Variants in FRAS1 observed in about 807,000 individuals in gnomAD.
FRAS1 encodes extracellular matrix organizing protein FRAS1.
FRAS1 carries 290 observed loss-of-function variants against 435.2 expected under a neutral mutation model. The observed-to-expected ratio is 0.67, with a 90% CI of 0.61 to 0.73. The LOEUF is 0.73. FRAS1 is among the 30% of genes least tolerant of loss of function. The pLI, the probability that FRAS1 is intolerant of heterozygous loss-of-function variation, is 0.00. For synonymous variants in FRAS1, 1,800 were observed against 1,851.0 expected, an observed-to-expected ratio of 0.97 and a Z score of 0.71; for missense variants, 4,860 against 5,001.5, an observed-to-expected ratio of 0.97 and a Z score of 0.85.
At chr4:78,484,678 G>T (rs1185080817) in intron 58 of FRAS1, among the ~76,000 whole-genome samples, 4 of 152,098 alleles carry the variant, frequency 2.6e-5, no homozygotes, top group Non-Finnish European at 5.9e-5. Flanking sequence ...ATCTCATGTT[G>T]CATGTTACTT....
At chr4:78,195,990 C>CTTAT (rs566770782) in intron 2 of FRAS1, among the ~76,000 whole-genome samples, 42 of 144,774 alleles carry the variant, frequency 2.9e-4, no homozygotes, top group African/African-American at 9.3e-4. Context: ...AGGCAGATTT[C>CTTAT]TTATTTATTT....
At chr4:78,380,599 A>G (rs547683237) in intron 27 of FRAS1, among the ~76,000 whole-genome samples, 1 of 152,352 alleles carries the variant, frequency 6.6e-6, no homozygotes, top group African/African-American at 2.4e-5. Context: ...AAATACAGCT[A>G]TATAATTAGC....
At chr4:78,113,461 C>T (rs1742885859) in intron 2 of FRAS1, among the ~76,000 whole-genome samples, 2 of 152,126 alleles carry the variant, frequency 1.3e-5, no homozygotes, top group South Asian at 4.1e-4. Context: ...AAAAGTGTTC[C>T]TATTTCTCCA....
chr4:78,497,926 A>G (rs1720552655), intron 60 of FRAS1, among the ~76,000 whole-genome samples: 1 of 152,118 alleles, frequency 6.6e-6, no homozygotes, highest in Non-Finnish European at 1.5e-5. Flanking sequence ...TCCCAGGTAC[A>G]TAGAAAACCC....
chr4:78,301,545 T>C (rs1728394476), intron 14 of FRAS1, among the ~76,000 whole-genome samples: 1 of 152,162 alleles, frequency 6.6e-6, no homozygotes. Flanking sequence ...CAAAGAACGA[T>C]AGATGTCAAG....
intron 1 of FRAS1, among the ~76,000 whole-genome samples, chr4:78,064,807 A>G (rs1390031922): frequency 6.6e-6 from 1 of 151,950 alleles, no homozygotes; most frequent in Non-Finnish European, 1.5e-5. Flanking sequence ...ATGATCCATT[A>G]GAGGTAAGCA....
chr4:78,478,010 T>C lies in FRAS1; in HGVS notation c.8047T>C (p.Tyr2683His), dbSNP rs1047655022. The C allele has an allele frequency of 3.7e-6, 6 of 1,605,486 alleles. No individual in the cohort carries two copies. In the African/African-American group the frequency reaches 8.0e-5, roughly 21 times the overall value. Residue 2683 changes from tyrosine (Y) to histidine (H), a missense_variant, in exon 55 of 74, where the codon TAC becomes CAC. Tyr to His is a moderately conservative substitution (Grantham distance 83). Transcript: ENST00000512123. ...EPTLEFDKKI[Y>H]WVNESAGFLF... ...CACATTAGAGTTTGACAAGAAGATCTACTGGGTTAACGAGAGCGCTGGTTT... is the reference window on the plus strand; with the variant it reads ...CACATTAGAGTTTGACAAGAAGATCCACTGGGTTAACGAGAGCGCTGGTTT...
At chr4:78,394,747 A>G (rs1260940356) in intron 29 of FRAS1, among the ~76,000 whole-genome samples, 1 of 152,000 alleles carries the variant, frequency 6.6e-6, no homozygotes, top group Non-Finnish European at 1.5e-5. Context: ...GTAAAATGCC[A>G]TTGGAATTTT....
At chr4:78,358,986 CT>C (rs1266276385) in intron 20 of FRAS1, among the ~76,000 whole-genome samples, 1 of 152,104 alleles carries the variant, frequency 6.6e-6, no homozygotes, top group Non-Finnish European at 1.5e-5. Context: ...AGAAAAAGCA[CT>C]AAAAGAAAAA....
intron 38 of FRAS1, among the ~76,000 whole-genome samples, chr4:78,434,653 C>T (rs933835096): frequency 1.3e-5 from 2 of 151,294 alleles, no homozygotes; most frequent in African/African-American, 4.9e-5. Context: ...AATCTCTTGA[C>T]AAAAAGTATT....
At chr4:78,442,093 G>C (rs186998833) in intron 41 of FRAS1, among the ~76,000 whole-genome samples, 2 of 152,342 alleles carry the variant, frequency 1.3e-5, no homozygotes, top group Admixed American at 1.3e-4. Context: ...GCAGGTGTCT[G>C]GGGCCAGCAT....
intron 2 of FRAS1, among the ~76,000 whole-genome samples, chr4:78,216,956 G>A (rs1255294564): frequency 6.6e-6 from 1 of 152,142 alleles, no homozygotes; most frequent in Non-Finnish European, 1.5e-5. Context: ...AAAGTCAGGG[G>A]CCTGGCAGAC....
intron 2 of FRAS1, among the ~76,000 whole-genome samples, chr4:78,100,106 T>C (rs1355285455): frequency 1.3e-5 from 2 of 152,060 alleles, no homozygotes; most frequent in African/African-American, 4.8e-5. Context: ...TAAAATAAAG[T>C]AAAAGAAATA....
At chr4:78,098,565 G>A (rs575927911) in intron 2 of FRAS1, among the ~76,000 whole-genome samples, 10 of 152,036 alleles carry the variant, frequency 6.6e-5, no homozygotes, top group South Asian at 6.2e-4. Context: ...GTGAACCACC[G>A]CTCCTGGCAG....
intron 2 of FRAS1, among the ~76,000 whole-genome samples, chr4:78,219,452 G>GACA (rs1042662650): frequency 6.6e-6 from 1 of 152,016 alleles, no homozygotes; most frequent in Non-Finnish European, 1.5e-5. Context: ...TTTTCTTTTA[G>GACA]ACATAGCAAC....
chr4:78,309,024 A>G (rs1728908131), intron 15 of FRAS1, among the ~76,000 whole-genome samples: 2 of 152,236 alleles, frequency 1.3e-5, no homozygotes, highest in African/African-American at 2.4e-5. Context: ...GGTAAGCCCC[A>G]TGCAATCAAT....
intron 14 of FRAS1, among the ~76,000 whole-genome samples, chr4:78,299,722 T>C (rs1482466150): frequency 3.9e-5 from 6 of 152,232 alleles, no homozygotes; most frequent in Admixed American, 1.3e-4. Flanking sequence ...AAACTTTCCA[T>C]GGCATGAAGT....
chr4:78,222,301 C>G (rs892875806), intron 2 of FRAS1, among the ~76,000 whole-genome samples: 1 of 152,154 alleles, frequency 6.6e-6, no homozygotes, highest in Non-Finnish European at 1.5e-5. Context: ...CCCCCTCTCC[C>G]GTTGCTGTCC....
intron 6 of FRAS1, among the ~76,000 whole-genome samples, chr4:78,264,579 G>T (rs1726262328): frequency 6.6e-6 from 1 of 152,104 alleles, no homozygotes. Context: ...TTAAATGTTG[G>T]TATGGTTGGT....
Sources: allele counts gnomAD v4.1 joint callset (sites outside exome capture counted in the v4.1 genomes callset), GRCh38; gene constraint gnomAD v4.1.1; transcripts MANE v1.5; gene names NCBI Gene and HGNC (gene_info 2026-07-23, HGNC 2026-07-21).